TSBP1: variants seen among roughly 807,000 people sequenced by gnomAD.
TSBP1 encodes the protein testis-expressed basic protein 1.
In TSBP1, 56 loss-of-function variants were observed where a neutral mutation model predicts 68.8. The ratio of observed to expected loss-of-function variants is 0.81; its 90% CI spans 0.66 to 1.02. The LOEUF is 1.02. TSBP1 is among the 50% of genes least tolerant of loss of function. TSBP1 has a pLI of 0.00. For synonymous variants in TSBP1, 171 were observed against 208.7 expected, an observed-to-expected ratio of 0.82 and a Z score of 1.56; for missense variants, 502 against 641.2, an observed-to-expected ratio of 0.78 and a Z score of 2.34.
At position 32,302,089 on chromosome 6, in the gene TSBP1, G is replaced by T. The variant is rs2127564453; in HGVS notation, c.601+520C>A. 6.6e-6 allele frequency among the ~76,000 whole-genome samples: 1 copy of T among 151,766 alleles called. No homozygotes were observed. Among genetic ancestry groups the T allele is most frequent in the East Asian group, 1.9e-4 (1 of 5,168 alleles). On this transcript the variant is annotated intron_variant, in intron 20 of 22. Transcript: ENST00000612031. The surrounding 1 kb of genome is among the most constrained non-coding windows in gnomAD (Gnocchi z 5.1). ...ACCCATGCTCATTCTTTTATATATTGTCTATGACTGTTTTTGTGCTACAAC... is the reference window on the plus strand; with the variant it reads ...ACCCATGCTCATTCTTTTATATATTTTCTATGACTGTTTTTGTGCTACAAC...
At chr6:32,349,807 G>A (rs1771511923) in exon 9 of TSBP1, 1 of 1,606,444 alleles carries the variant, frequency 6.2e-7, no homozygotes. Flanking sequence ...TTTGTCCCAG[G>A]GAGAACTTAG....
chr6:32,355,284 G>A (rs983784233), intron 7 of TSBP1, 140 bp from the exon 8 acceptor site: 1 of 794,562 alleles, frequency 1.3e-6, no homozygotes, highest in Non-Finnish European at 2.1e-6. Flanking sequence ...TCTGGTGATG[G>A]GTACTGACAG....
exon 23 of TSBP1, chr6:32,293,471 C>T (rs766493361): frequency 6.2e-7 from 1 of 1,611,768 alleles, no homozygotes; most frequent in African/African-American, 1.3e-5. Context: ...AACTGACTCC[C>T]TCTTCTTTAC....
At chr6:32,367,236 G>A (rs28366185) in intron 4 of TSBP1, among the ~76,000 whole-genome samples, 9,568 of 104,744 alleles carry the variant, frequency 0.091, 406 homozygotes, top group Admixed American at 0.13. Flanking sequence ...AGAGAAAGAG[G>A]GAAGGAAAGA....
At chr6:32,354,699 A>G (rs1351930896) in intron 8 of TSBP1, among the ~76,000 whole-genome samples, 1 of 152,132 alleles carries the variant, frequency 6.6e-6, no homozygotes, top group Non-Finnish European at 1.5e-5. Context: ...AAAACATTGT[A>G]TATTCATAAG....
At chr6:32,330,178 G>A (rs9296022) in intron 16 of TSBP1, among the ~76,000 whole-genome samples, 51,194 of 151,978 alleles carry the variant, frequency 0.34, 9,677 homozygotes, top group Middle Eastern at 0.52. Flanking sequence ...GTTAAATTTT[G>A]TTGTCTTTTC....
At chr6:32,332,408 G>C in intron 14 of TSBP1, among the ~76,000 whole-genome samples, 1 of 152,202 alleles carries the variant, frequency 6.6e-6, no homozygotes, top group East Asian at 1.9e-4. Flanking sequence ...TCTTTCTCAA[G>C]GGACTGTTCT....
rs150721951 is a variant in TSBP1 at position 32,299,771 on chromosome 6, C to CGG, written c.637+149_637+150dup. ...CTGTCTCAAAAAGAAAAGTGGAGGG[C>CGG]GGGGGGGAACCTTGGAAGTTTCTGG... is the stretch of plus-strand genomic sequence containing the variant. On this transcript the variant is annotated intron_variant, in intron 22 of 22. Coordinates refer to ENST00000612031, the Ensembl canonical transcript of TSBP1. 6.1e-6 allele frequency: 4 copies of CGG among 658,800 alleles called. No homozygotes were observed. In the East Asian group the frequency reaches 8.1e-5, roughly 13 times the overall value. The allele number at this position is 658,800 out of a possible 1,614,324, so 40.8% of individuals were successfully genotyped here. A position where few individuals can be genotyped will look rare whatever the true frequency, so the allele number is the denominator to read the frequency against.
intron 22 of TSBP1, among the ~76,000 whole-genome samples, chr6:32,299,242 A>G (rs1201289524): frequency 6.6e-6 from 1 of 152,230 alleles, no homozygotes; most frequent in Non-Finnish European, 1.5e-5. Flanking sequence ...AATAATACCT[A>G]CCAGGCAGGC....
Position 32,365,091 on chromosome 6 carries a change from T to C in TSBP1, c.217+1076A>G, listed in dbSNP as rs1254759820. ...TTTTTTTTTAGAGACGGAGTCTCAC[T>C]ATGTTGCCCAGGCCAGTCTCGAACT... On this transcript the variant is annotated intron_variant, in intron 6 of 22. Coordinates refer to ENST00000612031, the Ensembl canonical transcript of TSBP1. This position sits in a 1 kb window ranked among gnomAD's most constrained non-coding sequence, Gnocchi z 4.3. 6.6e-6 allele frequency among the ~76,000 whole-genome samples: 1 copy of C among 150,464 alleles called. No homozygotes were observed.
chr6:32,350,253 A>G (rs1042158835), intron 8 of TSBP1: 6 of 450,052 alleles, frequency 1.3e-5, no homozygotes, highest in African/African-American at 1.0e-4. Flanking sequence ...CTTGTGCCCT[A>G]TGGAGATGAA....
exon 3 of TSBP1, chr6:32,368,809 A>G (rs9268384): frequency 0.38 from 590,045 of 1,561,850 alleles, 118,856 homozygotes; most frequent in Middle Eastern, 0.55. Context: ...CTGGAGATAT[A>G]CATTTCTGTG....
Position 32,325,841 on chromosome 6 carries a change from G to T in TSBP1, c.515-2227C>A. On this transcript the variant is annotated intron_variant, in intron 16 of 22. Transcript: ENST00000612031. The surrounding 1 kb of genome is among the most constrained non-coding windows in gnomAD (Gnocchi z 4.4). ...AACTTAGGTGGTGGTCATGGAGGTGGTTTCGGTGGGAATGACAACTTTGAT... is the reference window on the plus strand; with the variant it reads ...AACTTAGGTGGTGGTCATGGAGGTGTTTTCGGTGGGAATGACAACTTTGAT... 1 of 1,366,346 alleles carries T rather than the reference G, an allele frequency of 7.3e-7. No homozygotes were observed. The highest frequency in any genetic ancestry group is 1.2e-5 in the South Asian group (1 of 86,034). 84.6% of individuals were successfully genotyped at this position (1,366,346 alleles called of 1,614,324 possible).
At chr6:32,368,045 A>G in intron 3 of TSBP1, 88 bp from the exon 4 acceptor site, 1 of 1,022,938 alleles carries the variant, frequency 9.8e-7, no homozygotes, top group Non-Finnish European at 1.5e-6. Context: ...GTAAACATGA[A>G]CTCCTAATGG....
rs116865472 is a variant in TSBP1, at chr6:32,360,603, A to G, written c.218-4934T>C. The stretch of plus-strand genomic sequence containing the variant: ...TGAATCATATGGTAGTTCTATTTTT[A>G]ATTTATTGGAGGAACCACAATACTG... On this transcript the variant is annotated intron_variant, in intron 6 of 22. Transcript: ENST00000612031. Among the ~76,000 whole-genome samples the G allele has an allele frequency of 3.3e-3, 498 of 152,192 alleles. 15 individuals carry two copies. The East Asian group carries it at 0.069, about 21-fold the overall frequency.
At chr6:32,329,432 G>A (rs17208363) in intron 16 of TSBP1, among the ~76,000 whole-genome samples, 10,124 of 152,194 alleles carry the variant, frequency 0.067, 386 homozygotes, top group South Asian at 0.098. Context: ...CAATCTGTGA[G>A]TACTGAGAAA....
intron 9 of TSBP1, 84 bp downstream of exon 9, chr6:32,349,655 AG>A: frequency 1.3e-6 from 1 of 790,380 alleles, no homozygotes; most frequent in South Asian, 1.6e-5. Flanking sequence ...GCTGCAGCGA[AG>A]AAGTCTGGGA....
At chr6:32,353,570 C>T (rs1363101609) in intron 8 of TSBP1, among the ~76,000 whole-genome samples, 1 of 151,820 alleles carries the variant, frequency 6.6e-6, no homozygotes, top group Non-Finnish European at 1.5e-5. Flanking sequence ...TTATGAAATT[C>T]TTGTGTAAGA....
In TSBP1 at chr6:32,342,892, C is replaced by T. The variant is rs865899614; in HGVS notation, c.350-3254G>A. On this transcript the variant is annotated intron_variant, in intron 9 of 22. Transcript: ENST00000612031. ...GGAAGAAAATCAAACCTGTTCTATA[C>T]CTTAAGGAGAAGCAGTTAAAGGAAG... is the stretch of plus-strand genomic sequence containing the variant. Among the ~76,000 whole-genome samples the T allele has an allele frequency of 3.2e-4, 48 of 152,088 alleles. 1 individual carries two copies. The highest frequency in any genetic ancestry group is 1.1e-3 in the African/African-American group (46 of 41,482).
Sources: gnomAD v4.1 joint callset for allele counts (sites outside exome capture counted in the v4.1 genomes callset) on GRCh38, gnomAD v4.1.1 for gene constraint, Gnocchi (gnomAD v3.1) non-coding constraint, MANE v1.5 for transcripts, NCBI Gene and HGNC (gene_info 2026-07-23, HGNC 2026-07-21) for gene names.